PPFIA2: variants seen among roughly 807,000 people sequenced by gnomAD.
PPFIA2 encodes the protein liprin-alpha-2.
PPFIA2 carries 46 observed loss-of-function variants against 175.5 expected under a neutral mutation model. The observed-to-expected ratio is 0.26, with a 90% confidence interval of 0.21 to 0.34. The LOEUF is 0.34. PPFIA2 is among the 10% of genes least tolerant of loss of function. The pLI is 1.00. For missense variants in PPFIA2, 1,179 were observed against 1,506.1 expected (o/e 0.78, Z 3.60); for synonymous variants, 568 against 511.4 (o/e 1.11, Z -1.49).
At chr12:81,463,088 C>T (rs2054944435) in intron 4 of PPFIA2, among the ~76,000 whole-genome samples, 1 of 151,830 alleles carries the variant, frequency 6.6e-6, no homozygotes, top group Non-Finnish European at 1.5e-5. Context: ...ACCTAGACTT[C>T]CATATATATA....
chr12:81,586,317 T>A (rs1222568370), intron 4 of PPFIA2, among the ~76,000 whole-genome samples: 1 of 151,946 alleles, frequency 6.6e-6, no homozygotes, highest in Non-Finnish European at 1.5e-5. Flanking sequence ...GTTTGCTTTT[T>A]GATATAACTT....
intron 7 of PPFIA2, among the ~76,000 whole-genome samples, chr12:81,436,127 A>C (rs1472343259): frequency 6.6e-6 from 1 of 151,344 alleles, no homozygotes; most frequent in Non-Finnish European, 1.5e-5. Context: ...AGAATACAAA[A>C]AAAATTGGCT....
At chr12:81,521,233 C>A (rs1368723300) in intron 4 of PPFIA2, among the ~76,000 whole-genome samples, 4 of 151,214 alleles carry the variant, frequency 2.6e-5, no homozygotes, top group Non-Finnish European at 5.9e-5. Flanking sequence ...GTGTAAAGAT[C>A]GCTACCAAAA....
At chr12:81,376,442 T>C (rs988873039) in intron 9 of PPFIA2, among the ~76,000 whole-genome samples, 2 of 152,142 alleles carry the variant, frequency 1.3e-5, no homozygotes, top group East Asian at 3.9e-4. Flanking sequence ...TACATTTGGA[T>C]CTTATTTATA....
chr12:81,446,038 A>T (rs1340065199), intron 5 of PPFIA2, among the ~76,000 whole-genome samples: 2 of 152,232 alleles, frequency 1.3e-5, no homozygotes, highest in African/African-American at 2.4e-5. Context: ...ATGTATGATA[A>T]TGATGAAAGA....
rs757844444 is a variant in PPFIA2, at chr12:81,341,071, G to T, written c.2393+7C>A. The T allele has an allele frequency of 5.0e-6, 8 of 1,608,194 alleles. No homozygotes were observed. Among genetic ancestry groups the T allele is most frequent in the Middle Eastern group, 1.7e-4 (1 of 6,030 alleles). On this transcript the variant is annotated splice_region_variant and intron_variant, in intron 20 of 32. Coordinates refer to ENST00000549396, the MANE Select transcript of PPFIA2 (RefSeq NM_003625.5). ...ATTCAGTGTGCAGTGTGCCTGCAGA[G>T]TCTTACCTTCGAGCATCATTGTGGT...
intron 3 of PPFIA2, among the ~76,000 whole-genome samples, chr12:81,736,721 T>G (rs985313271): frequency 7.9e-5 from 12 of 152,016 alleles, no homozygotes; most frequent in Non-Finnish European, 2.9e-5. Flanking sequence ...TGGACATGTT[T>G]ATTTTAAGAA....
At chr12:81,584,515 T>C (rs890652650) in intron 4 of PPFIA2, among the ~76,000 whole-genome samples, 8 of 151,550 alleles carry the variant, frequency 5.3e-5, no homozygotes, top group Admixed American at 2.6e-4. Context: ...CAGTTATACA[T>C]CATCTAATGA....
intron 8 of PPFIA2, among the ~76,000 whole-genome samples, chr12:81,402,886 C>A (rs532049269): frequency 6.6e-5 from 10 of 152,118 alleles, no homozygotes; most frequent in African/African-American, 1.9e-4. Flanking sequence ...ATAAATAAAA[C>A]TTCTTATTAC....
chr12:81,569,597 A>G (rs1268416979), intron 4 of PPFIA2, among the ~76,000 whole-genome samples: 3 of 152,176 alleles, frequency 2.0e-5, no homozygotes, highest in African/African-American at 7.2e-5. Flanking sequence ...ATTACACTGT[A>G]GAGGAATATT....
At chr12:81,598,488 T>A (rs1010263054) in intron 4 of PPFIA2, 3 of 470,506 alleles carry the variant, frequency 6.4e-6, no homozygotes, top group Non-Finnish European at 5.6e-6. Flanking sequence ...TCAGAGGACC[T>A]CTTCTGACTA....
At chr12:81,363,160 G>A (rs1288590511) in intron 14 of PPFIA2, among the ~76,000 whole-genome samples, 6 of 151,132 alleles carry the variant, frequency 4.0e-5, no homozygotes, top group Admixed American at 2.7e-4. Context: ...ATTCTATGAG[G>A]GTTAAAGGAC....
At chr12:81,539,070 G>A (rs2065835671) in intron 4 of PPFIA2, among the ~76,000 whole-genome samples, 1 of 151,984 alleles carries the variant, frequency 6.6e-6, no homozygotes, top group Non-Finnish European at 1.5e-5. Context: ...GTGTGAAAGA[G>A]AGAACTCAAG....
At chr12:81,619,864 T>G (rs1422687674) in intron 4 of PPFIA2, among the ~76,000 whole-genome samples, 1 of 152,004 alleles carries the variant, frequency 6.6e-6, no homozygotes, top group East Asian at 1.9e-4. Context: ...TCTGACCATT[T>G]AAGAAGAAAG....
At chr12:81,511,922 T>C (rs114777187) in intron 4 of PPFIA2, among the ~76,000 whole-genome samples, 1,638 of 151,994 alleles carry the variant, frequency 0.011, 30 homozygotes, top group African/African-American at 0.038. Context: ...AATGTTTCTG[T>C]TTGTTAATTT....
intron 3 of PPFIA2, among the ~76,000 whole-genome samples, chr12:81,682,379 A>G (rs993064218): frequency 1.3e-5 from 2 of 152,060 alleles, no homozygotes; most frequent in Admixed American, 1.3e-4. Context: ...AAATACATTT[A>G]TATTGTTTAA....
intron 4 of PPFIA2, among the ~76,000 whole-genome samples, chr12:81,667,175 T>C (rs1922414): frequency 0.035 from 5,279 of 152,158 alleles, 122 homozygotes; most frequent in South Asian, 0.066. Context: ...TTTTTCTCTT[T>C]TACCTACTTT....
At chr12:81,407,691 G>A (rs1238397807) in intron 7 of PPFIA2, among the ~76,000 whole-genome samples, 1 of 152,018 alleles carries the variant, frequency 6.6e-6, no homozygotes, top group Non-Finnish European at 1.5e-5. Flanking sequence ...ACACAGAACT[G>A]AGGAATTTGA....
rs138836537 is a variant in PPFIA2 at position 81,438,850 on chromosome 12, T to C, written c.645+1122A>G. On this transcript the variant is annotated intron_variant, in intron 7 of 32. Coordinates refer to ENST00000549396, the MANE Select transcript of PPFIA2 (RefSeq NM_003625.5). Reference sequence around the variant, plus strand: ...TCTGTCTTCTAGCTATTTTGAAATGTATATTAGATTAATGTTAACTATAAT... The same window carrying C: ...TCTGTCTTCTAGCTATTTTGAAATGCATATTAGATTAATGTTAACTATAAT... Among the ~76,000 whole-genome samples the C allele has an allele frequency of 2.6e-3, 395 of 152,218 alleles. 1 individual carries two copies. The highest frequency in any genetic ancestry group is 9.2e-3 in the African/African-American group (381 of 41,546).
Sources: gnomAD v4.1 joint callset for allele counts (sites outside exome capture counted in the v4.1 genomes callset) on GRCh38, gnomAD v4.1.1 for gene constraint, MANE v1.5 for transcripts, NCBI Gene and HGNC (gene_info 2026-07-23, HGNC 2026-07-21) for gene names.